SPINK1: variants seen among roughly 807,000 people sequenced by gnomAD.
SPINK1 encodes the protein serine protease inhibitor Kazal-type 1.
A neutral mutation model predicts 9.5 loss-of-function variants in SPINK1; 5 were observed. The observed-to-expected ratio is 0.52, with a 90% CI of 0.27 to 1.10. The LOEUF (loss-of-function observed/expected upper bound fraction) is 1.10, where lower values mean the gene tolerates loss of function less well. Among genes scored for constraint, SPINK1 ranks in the 50% least tolerant of loss-of-function variants. SPINK1 has a pLI of 0.11. For missense variants in SPINK1, 88 were observed against 92.7 expected (o/e 0.95, Z 0.21); for synonymous variants, 37 against 32.3 (o/e 1.14, Z -0.49).
At chr5:147,837,701 CTT>C in the SPINK1 span, among the ~76,000 whole-genome samples, 5 of 140,294 alleles carry the variant, frequency 3.6e-5, no homozygotes, top group African/African-American at 1.3e-4. Context: ...TTCTTTCTTT[CTT>C]TCTTTCTTTC....
chr5:147,836,675 A>G, the SPINK1 span, among the ~76,000 whole-genome samples: 19 of 152,100 alleles, frequency 1.2e-4, no homozygotes, highest in African/African-American at 4.6e-4. Context: ...TAGGCAACAA[A>G]ATATTTTAAA....
the SPINK1 span, among the ~76,000 whole-genome samples, chr5:147,836,931 C>A: frequency 6.6e-6 from 1 of 152,100 alleles, no homozygotes; most frequent in African/African-American, 2.4e-5. Context: ...CAGTTCTTTC[C>A]CTAAAATAAA....
intron 3 of SPINK1, chr5:147,827,793 C>T: frequency 4.9e-6 from 2 of 406,368 alleles, no homozygotes; most frequent in Non-Finnish European, 8.8e-6. Flanking sequence ...TATAAAAATC[C>T]AAGCTATCGA....
chr5:147,826,118 C>G (rs1283960664), intron 3 of SPINK1, among the ~76,000 whole-genome samples: 1 of 152,110 alleles, frequency 6.6e-6, no homozygotes, highest in African/African-American at 2.4e-5. Flanking sequence ...TACAGATTCC[C>G]TTTGAAGACG....
rs1448726012 is a variant in SPINK1 at position 147,824,778 on chromosome 5, AG to A, written c.195-73del. On this transcript the variant is annotated intron_variant, in intron 3 of 3. Coordinates refer to ENST00000296695, the MANE Select transcript of SPINK1 (RefSeq NM_001379610.1). ...GAAAAAGTGACTATGGGAGAAAAAC[AG>A]GGGGAAAAATAACAGCTTCATTTAA... 29 of 1,374,298 alleles carry A rather than the reference AG, an allele frequency of 2.1e-5. No homozygotes were observed. The East Asian group carries it at 6.4e-4, about 30-fold the overall frequency. The allele number at this position is 1,374,298 out of a possible 1,614,324, so 85.1% of individuals were successfully genotyped here.
At chr5:147,829,887 G>A (rs542153500) in intron 1 of SPINK1, among the ~76,000 whole-genome samples, 11 of 152,280 alleles carry the variant, frequency 7.2e-5, no homozygotes, top group African/African-American at 2.6e-4. Flanking sequence ...TTAGGAAGTT[G>A]ATCTATTTCC....
chr5:147,834,146 C>A (rs1756555925), upstream of SPINK1, among the ~76,000 whole-genome samples: 1 of 152,080 alleles, frequency 6.6e-6, no homozygotes, highest in African/African-American at 2.4e-5. Flanking sequence ...TATGTAATAT[C>A]TTTATTTTTA....
upstream of SPINK1, among the ~76,000 whole-genome samples, chr5:147,832,681 G>C (rs1166755049): frequency 1.3e-5 from 2 of 152,146 alleles, no homozygotes; most frequent in African/African-American, 4.8e-5. Context: ...ATTGGGGCTT[G>C]GGAAACCAGA....
chr5:147,829,748 C>T (rs1047746742), intron 1 of SPINK1, 118 bp from the exon 2 acceptor site: 2 of 917,596 alleles, frequency 2.2e-6, no homozygotes, highest in African/African-American at 1.6e-5. Context: ...CTCTTTCATT[C>T]CCCACCCTTT....
intron 2 of SPINK1, among the ~76,000 whole-genome samples, chr5:147,828,540 A>G (rs927897162): frequency 6.6e-6 from 1 of 152,210 alleles, no homozygotes; most frequent in African/African-American, 2.4e-5. Context: ...TGTAGTCCAC[A>G]CACACTGGTC....
At chr5:147,839,006 C>G in the SPINK1 span, among the ~76,000 whole-genome samples, 1 of 152,258 alleles carries the variant, frequency 6.6e-6, no homozygotes, top group South Asian at 2.1e-4. Flanking sequence ...TTTCCCCTAA[C>G]ATAGTCACTG....
chr5:147,830,496 T>C (rs1174929026), intron 1 of SPINK1, among the ~76,000 whole-genome samples: 1 of 152,196 alleles, frequency 6.6e-6, no homozygotes, highest in African/African-American at 2.4e-5. Flanking sequence ...TGAAAATTAG[T>C]GAGGCATCTA....
chr5:147,827,514 A>G (rs1756429663), intron 3 of SPINK1: 1 of 156,932 alleles, frequency 6.4e-6, no homozygotes, highest in African/African-American at 2.4e-5. Context: ...GACAGGGAAT[A>G]TTAGCATGAT....
intron 3 of SPINK1, 113 bp downstream of exon 3, chr5:147,827,909 T>C: frequency 1.3e-6 from 1 of 756,738 alleles, no homozygotes; most frequent in Non-Finnish European, 2.2e-6. Context: ...GATAACTGTT[T>C]TTGGAAAAAG....
chr5:147,837,883 G>A, the SPINK1 span, among the ~76,000 whole-genome samples: 2 of 151,846 alleles, frequency 1.3e-5, no homozygotes, highest in East Asian at 3.9e-4. Context: ...TGTATTTTTA[G>A]TGGAGAGGGG....
the SPINK1 span, among the ~76,000 whole-genome samples, chr5:147,837,921 C>A: frequency 1.3e-5 from 2 of 151,842 alleles, no homozygotes; most frequent in African/African-American, 4.8e-5. Context: ...AGGCTGGTCT[C>A]GAACTCCTGA....
intron 1 of SPINK1, among the ~76,000 whole-genome samples, chr5:147,830,051 G>A (rs1756482348): frequency 6.6e-6 from 1 of 152,204 alleles, no homozygotes; most frequent in African/African-American, 2.4e-5. Flanking sequence ...ACAGATGAAA[G>A]TATGGAGAGT....
chr5:147,837,706 T>TTTCTTTCTTTCTTTCC, the SPINK1 span, among the ~76,000 whole-genome samples: 16 of 148,444 alleles, frequency 1.1e-4, no homozygotes, highest in East Asian at 1.4e-3. Context: ...TCTTTCTTTC[T>TTTCTTTCTTTCTTTCC]TTCTTTCTTT....
At chr5:147,832,956 A>C (rs1473511608), upstream of SPINK1, among the ~76,000 whole-genome samples, 1 of 152,226 alleles carries the variant, frequency 6.6e-6, no homozygotes, top group Non-Finnish European at 1.5e-5. Context: ...ACAAAAAATA[A>C]TAAGTGATTA....
Sources: gnomAD v4.1 joint callset for allele counts (sites outside exome capture counted in the v4.1 genomes callset) on GRCh38, gnomAD v4.1.1 for gene constraint, MANE v1.5 for transcripts, NCBI Gene and HGNC (gene_info 2026-07-23, HGNC 2026-07-21) for gene names.